UBE2U: variants seen among roughly 807,000 people sequenced by gnomAD.
UBE2U encodes the protein ubiquitin conjugating enzyme E2 U.
In UBE2U, 39 loss-of-function variants were observed where a neutral mutation model predicts 41.2. The ratio of observed to expected loss-of-function variants is 0.95; its 90% CI spans 0.73 to 1.24. The LOEUF (loss-of-function observed/expected upper bound fraction) is 1.24, where lower values mean the gene tolerates loss of function less well. UBE2U is among the 50% of genes most tolerant of loss of function. UBE2U has a pLI of 0.00. For missense variants in UBE2U, 336 were observed against 363.1 expected (o/e 0.93, Z 0.61); for synonymous variants, 107 against 117.8 (o/e 0.91, Z 0.60).
chr1:64,246,616 A>G (rs994526948), intron 8 of UBE2U, among the ~76,000 whole-genome samples: 1 of 152,124 alleles, frequency 6.6e-6, no homozygotes, highest in African/African-American at 2.4e-5. Flanking sequence ...AAGGGAGGAA[A>G]ATCCTTTAGG....
intron 7 of UBE2U, among the ~76,000 whole-genome samples, chr1:64,240,953 T>C (rs535923285): frequency 6.6e-6 from 1 of 152,188 alleles, no homozygotes; most frequent in South Asian, 2.1e-4. Flanking sequence ...TATATTTCAA[T>C]AAATTTAAAG....
At chr1:64,226,512 G>A (rs1652876829) in intron 6 of UBE2U, among the ~76,000 whole-genome samples, 1 of 152,168 alleles carries the variant, frequency 6.6e-6, no homozygotes, top group East Asian at 1.9e-4. Context: ...TTTATTGAGT[G>A]TAAATTATGC....
rs1383213492 is a variant in UBE2U, at chr1:64,239,172, G to GAA, written c.596-2479_596-2478dup. Reference sequence around the variant, plus strand: ...GAAGAAGAAGAAAGAAGAAGAAGAAGAAGAAGAAGAAGAAGAAGAAAGCCC... The same window carrying GAA: ...GAAGAAGAAGAAAGAAGAAGAAGAAGAAAAGAAGAAGAAGAAGAAGAAAGCCC... On this transcript the variant is annotated intron_variant, in intron 7 of 9. Transcript: ENST00000371077. 2.3e-3 allele frequency among the ~76,000 whole-genome samples: 216 copies of GAA among 95,560 alleles called. 3 individuals are homozygous for GAA. Among genetic ancestry groups the GAA allele is most frequent in the African/African-American group, 9.8e-3 (208 of 21,226 alleles). 62.7% of individuals were successfully genotyped at this position (95,560 alleles called of 152,430 possible).
At chr1:64,211,331 A>G (rs1389038028) in intron 4 of UBE2U, among the ~76,000 whole-genome samples, 1 of 152,266 alleles carries the variant, frequency 6.6e-6, no homozygotes, top group East Asian at 1.9e-4. Context: ...TGAACAATTT[A>G]TACCAAGGAT....
rs146660245 is a variant in UBE2U, at chr1:64,239,428, G to C, written c.596-2224G>C. Among the ~76,000 whole-genome samples, 825 of 151,976 alleles carry C rather than the reference G, an allele frequency of 5.4e-3. 5 individuals carry two copies. The highest frequency in any genetic ancestry group is 8.4e-3 in the Non-Finnish European group (570 of 67,962). On this transcript the variant is annotated intron_variant, in intron 7 of 9. Coordinates refer to ENST00000371077, the MANE Select transcript of UBE2U (RefSeq NM_001366232.2). ...GTAGATGTGCACAACGTGCAGGTTTGTTACATATGCATACATTTGCCTGTT... is the reference window on the plus strand; with the variant it reads ...GTAGATGTGCACAACGTGCAGGTTTCTTACATATGCATACATTTGCCTGTT...
chr1:64,219,115 T>A (rs1652236519), intron 5 of UBE2U, among the ~76,000 whole-genome samples: 1 of 152,216 alleles, frequency 6.6e-6, no homozygotes, highest in Non-Finnish European at 1.5e-5. Context: ...AGCTTCCTAG[T>A]ACCTGGGAGC....
intron 3 of UBE2U, among the ~76,000 whole-genome samples, chr1:64,207,508 T>C (rs757253400): frequency 6.6e-6 from 1 of 152,250 alleles, no homozygotes; most frequent in Non-Finnish European, 1.5e-5. Flanking sequence ...CAAAAGATCA[T>C]CTTAAATGGT....
At chr1:64,211,958 T>C (rs1249157364) in intron 4 of UBE2U, among the ~76,000 whole-genome samples, 1 of 152,180 alleles carries the variant, frequency 6.6e-6, no homozygotes, top group Non-Finnish European at 1.5e-5. Context: ...AGTTTTTAAA[T>C]ATAGAATTAT....
intron 8 of UBE2U, among the ~76,000 whole-genome samples, chr1:64,249,182 G>A (rs1644966703): frequency 6.6e-6 from 1 of 151,954 alleles, no homozygotes. Flanking sequence ...TTTGAAACCA[G>A]CCTGGCCAAC....
chr1:64,267,357 CA>C lies in UBE2U; in HGVS notation c.*152del. Reference sequence around the variant, plus strand: ...CAAGTACAAATTAGAAATATAAGTACAAATCAGTAAAGATGTTGCTTTGACT... The same window carrying C: ...CAAGTACAAATTAGAAATATAAGTACAATCAGTAAAGATGTTGCTTTGACT... On this transcript the variant is annotated 3_prime_UTR_variant, in exon 10 of 10. Transcript: ENST00000371077. 1.6e-6 allele frequency: 1 copy of C among 639,844 alleles called. No individual in the cohort carries two copies. Among genetic ancestry groups the C allele is most frequent in the East Asian group, 3.2e-5 (1 of 31,476 alleles). The allele number at this position is 639,844 out of a possible 1,614,324, so 39.6% of individuals were successfully genotyped here.
intron 8 of UBE2U, among the ~76,000 whole-genome samples, chr1:64,248,663 G>A (rs985070066): frequency 2.7e-5 from 4 of 149,818 alleles, no homozygotes; most frequent in Non-Finnish European, 5.9e-5. Flanking sequence ...TTTATAGTTT[G>A]TCATTTTAAT....
chr1:64,244,131 TG>T, intron 8 of UBE2U: 1 of 1,609,056 alleles, frequency 6.2e-7, no homozygotes, highest in Non-Finnish European at 8.5e-7. Context: ...AATTTGCAGA[TG>T]AAAAATCTTT....
intron 8 of UBE2U, among the ~76,000 whole-genome samples, chr1:64,242,161 A>C (rs1008971443): frequency 2.6e-5 from 4 of 152,158 alleles, no homozygotes; most frequent in Admixed American, 6.6e-5. Flanking sequence ...TTTCTCATTC[A>C]AGACCAAATA....
At chr1:64,244,552 A>G (rs191597715) in intron 8 of UBE2U, among the ~76,000 whole-genome samples, 1 of 152,242 alleles carries the variant, frequency 6.6e-6, no homozygotes, top group Admixed American at 6.5e-5. Flanking sequence ...CATTTATTGT[A>G]GTTCCTATAT....
chr1:64,262,353 G>T (rs184735490), intron 9 of UBE2U, among the ~76,000 whole-genome samples: 226 of 152,130 alleles, frequency 1.5e-3, no homozygotes, highest in Non-Finnish European at 2.4e-3. Context: ...TGTTTCTGTG[G>T]GCCTGGAGTA....
intron 6 of UBE2U, among the ~76,000 whole-genome samples, chr1:64,221,650 G>C (rs932193352): frequency 6.6e-6 from 1 of 152,090 alleles, no homozygotes; most frequent in Non-Finnish European, 1.5e-5. Flanking sequence ...ACGGTTCGGC[G>C]GCATTTAATT....
At chr1:64,235,819 T>C (rs554160340) in intron 7 of UBE2U, among the ~76,000 whole-genome samples, 1 of 152,158 alleles carries the variant, frequency 6.6e-6, no homozygotes, top group Non-Finnish European at 1.5e-5. Flanking sequence ...TTTTTAGCCA[T>C]CTCAATCTAT....
chr1:64,208,406 C>T (rs571168096), intron 3 of UBE2U, among the ~76,000 whole-genome samples: 78 of 151,856 alleles, frequency 5.1e-4, no homozygotes, highest in African/African-American at 1.8e-3. Flanking sequence ...AGGAGTTTGA[C>T]ACCAGCCTGG....
chr1:64,251,274 C>T (rs1288672592), intron 8 of UBE2U, among the ~76,000 whole-genome samples: 2 of 151,198 alleles, frequency 1.3e-5, no homozygotes, highest in African/African-American at 2.4e-5. Flanking sequence ...TATACTTGGT[C>T]AGGATTAATT....
Sources: allele counts gnomAD v4.1 joint callset (sites outside exome capture counted in the v4.1 genomes callset), GRCh38; gene constraint gnomAD v4.1.1; transcripts MANE v1.5; gene names NCBI Gene and HGNC (gene_info 2026-07-23, HGNC 2026-07-21).